The following RNF152 variants were observed in gnomAD, a reference collection of about 807,000 sequenced individuals.
RNF152 encodes ring finger protein 152, also known as E3 ubiquitin-protein ligase RNF152.
In RNF152, 11 loss-of-function variants were observed where a neutral mutation model predicts 12.7. The observed-to-expected ratio is 0.86, with a 90% confidence interval of 0.54 to 1.43. RNF152 has a LOEUF of 1.43. Among genes scored for constraint, RNF152 ranks in the 40% most tolerant of loss-of-function variants. The probability of loss-of-function intolerance (pLI) is 0.00; values close to 1 mark genes in which losing one functional copy is unlikely to be tolerated. For synonymous variants in RNF152, 113 were observed against 120.3 expected (o/e 0.94, Z 0.40); for missense variants, 255 against 274.8 (o/e 0.93, Z 0.51).
intron 1 of RNF152, among the ~76,000 whole-genome samples, chr18:61,875,291 C>T (rs1912162954): frequency 6.6e-6 from 1 of 152,204 alleles, no homozygotes; most frequent in African/African-American, 2.4e-5. Context: ...TCCTTAAGCA[C>T]CGTCTGTAAA....
intron 1 of RNF152, among the ~76,000 whole-genome samples, chr18:61,830,224 G>C (rs748868206): frequency 2.6e-5 from 4 of 151,876 alleles, no homozygotes; most frequent in South Asian, 2.1e-4. Context: ...GGGGTGTCTT[G>C]GTATTTGGCC....
intron 1 of RNF152, among the ~76,000 whole-genome samples, chr18:61,852,975 A>C (rs1378442937): frequency 6.6e-6 from 1 of 152,228 alleles, no homozygotes; most frequent in African/African-American, 2.4e-5. Context: ...GACTTATTCT[A>C]ATCACAACCT....
chr18:61,819,161 A>G (rs961134388), intron 1 of RNF152, among the ~76,000 whole-genome samples: 5 of 152,228 alleles, frequency 3.3e-5, no homozygotes, highest in Non-Finnish European at 7.3e-5. Flanking sequence ...TAAGAGTTTG[A>G]TCGTTTTAGC....
chr18:61,885,858 T>C (rs1912668019), intron 1 of RNF152, among the ~76,000 whole-genome samples: 1 of 152,014 alleles, frequency 6.6e-6, no homozygotes, highest in Admixed American at 6.6e-5. Flanking sequence ...CACCCAGTCA[T>C]CACAAATCCA....
At chr18:61,833,107 A>T (rs55856123) in intron 1 of RNF152, among the ~76,000 whole-genome samples, 39,546 of 152,140 alleles carry the variant, frequency 0.26, 6,093 homozygotes, top group Non-Finnish European at 0.35. Context: ...ACTTCTACCA[A>T]CAGGAAATTA....
At chr18:61,818,116 A>G (rs1909201641) in intron 1 of RNF152, among the ~76,000 whole-genome samples, 1 of 152,190 alleles carries the variant, frequency 6.6e-6, no homozygotes, top group African/African-American at 2.4e-5. Context: ...AACAATCAAA[A>G]TTAAGAATGC....
intron 1 of RNF152, among the ~76,000 whole-genome samples, chr18:61,827,570 T>A (rs1909727246): frequency 6.6e-6 from 1 of 152,002 alleles, no homozygotes; most frequent in Non-Finnish European, 1.5e-5. Flanking sequence ...GAAAGAATGG[T>A]AAAGTAAAAG....
In RNF152 at chr18:61,812,382, T is replaced by C. The variant is rs1162943216; in HGVS notation, c.*3470A>G. Reference sequence around the variant, plus strand: ...AGATCTCACAGGTTATACCATCACATGGTTTAACCTTCAAGGGACCCAATC... The same window carrying C: ...AGATCTCACAGGTTATACCATCACACGGTTTAACCTTCAAGGGACCCAATC... On this transcript the variant is annotated 3_prime_UTR_variant, in exon 2 of 2. Coordinates refer to ENST00000312828, the MANE Select transcript of RNF152 (RefSeq NM_173557.3). The C allele has an allele frequency of 1.3e-5, 2 of 152,132 alleles. No homozygotes were observed. Among genetic ancestry groups the C allele is most frequent in the Non-Finnish European group, 2.9e-5 (2 of 68,036 alleles). 9.4% of individuals were successfully genotyped at this position (152,132 alleles called of 1,614,324 possible).
intron 1 of RNF152, among the ~76,000 whole-genome samples, chr18:61,885,186 T>C (rs1165223950): frequency 1.3e-5 from 2 of 152,200 alleles, no homozygotes; most frequent in African/African-American, 4.8e-5. Flanking sequence ...ATATTATTAA[T>C]CTTCGAGGAA....
intron 1 of RNF152, among the ~76,000 whole-genome samples, chr18:61,855,808 G>A (rs781489685): frequency 2.6e-5 from 4 of 152,180 alleles, no homozygotes; most frequent in Non-Finnish European, 5.9e-5. Flanking sequence ...CAGCAGGTAC[G>A]AGCAATACCC....
intron 1 of RNF152, among the ~76,000 whole-genome samples, chr18:61,877,027 T>C (rs900735792): frequency 6.6e-6 from 1 of 152,128 alleles, no homozygotes; most frequent in African/African-American, 2.4e-5. Context: ...TCAGTTGGGG[T>C]GGCTCTTTGT....
chr18:61,864,036 C>G (rs376314589), intron 1 of RNF152, among the ~76,000 whole-genome samples: 2 of 152,234 alleles, frequency 1.3e-5, no homozygotes, highest in East Asian at 3.8e-4. Flanking sequence ...CAGCCACAAT[C>G]TGTTTCTACC....
chr18:61,862,368 A>C (rs1911525280), intron 1 of RNF152, among the ~76,000 whole-genome samples: 1 of 152,222 alleles, frequency 6.6e-6, no homozygotes, highest in African/African-American at 2.4e-5. Context: ...GACTGCCCAG[A>C]GAGGAGATGA....
chr18:61,873,047 T>C (rs1410102228), intron 1 of RNF152, among the ~76,000 whole-genome samples: 3 of 152,200 alleles, frequency 2.0e-5, no homozygotes, highest in Admixed American at 6.5e-5. Flanking sequence ...TGCTTCTACG[T>C]ACCAGATTTG....
intron 1 of RNF152, among the ~76,000 whole-genome samples, chr18:61,864,690 C>T (rs1911648621): frequency 6.6e-6 from 1 of 152,178 alleles, no homozygotes; most frequent in Non-Finnish European, 1.5e-5. Context: ...GACCAGCTGG[C>T]ACTCTGAGGC....
intron 1 of RNF152, among the ~76,000 whole-genome samples, chr18:61,816,824 A>C (rs1213683478): frequency 6.6e-6 from 1 of 152,232 alleles, no homozygotes; most frequent in Non-Finnish European, 1.5e-5. Context: ...TTCTAAAAAA[A>C]TGAACAACTC....
At chr18:61,816,738 A>C (rs1909114999) in intron 1 of RNF152, 140 bp from the exon 2 acceptor site, 2 of 362,834 alleles carry the variant, frequency 5.5e-6, no homozygotes, top group East Asian at 9.5e-5. Context: ...TTGAGACTAC[A>C]GGATTCCCAT....
chr18:61,871,247 G>C (rs922028916), intron 1 of RNF152, among the ~76,000 whole-genome samples: 5 of 120,710 alleles, frequency 4.1e-5, no homozygotes, highest in Non-Finnish European at 7.9e-5. Context: ...GATTCACCCT[G>C]AATTGTCCAC....
intron 1 of RNF152, among the ~76,000 whole-genome samples, chr18:61,828,266 G>T (rs150883084): frequency 6.6e-6 from 1 of 152,096 alleles, no homozygotes; most frequent in Admixed American, 6.5e-5. Context: ...TTTAAGAGAC[G>T]GGGTCTTGCT....
Sources: gnomAD v4.1 joint callset for allele counts (sites outside exome capture counted in the v4.1 genomes callset) on GRCh38, gnomAD v4.1.1 for gene constraint, MANE v1.5 for transcripts, NCBI Gene and HGNC (gene_info 2026-07-23, HGNC 2026-07-21) for gene names.